TRIM33: variants seen among roughly 807,000 people sequenced by gnomAD.
TRIM33 encodes E3 ubiquitin-protein ligase TRIM33.
Under a neutral mutation model 125.4 loss-of-function variants are expected in TRIM33, and 20 were observed. The ratio of observed to expected loss-of-function variants is 0.16; its 90% CI spans 0.11 to 0.23. TRIM33 has a LOEUF of 0.23. Among genes scored for constraint, TRIM33 ranks in the 10% least tolerant of loss-of-function variants. TRIM33 has a pLI of 1.00. For synonymous variants in TRIM33, 564 were observed against 513.9 expected (o/e 1.10, Z -1.32); for missense variants, 920 against 1,411.4 (o/e 0.65, Z 5.58).
intron 10 of TRIM33, among the ~76,000 whole-genome samples, chr1:114,423,806 C>A (rs1647365995): frequency 6.6e-6 from 1 of 152,070 alleles, no homozygotes; most frequent in African/African-American, 2.4e-5. Context: ...CGCAGATTGA[C>A]CTGAGAGACT....
intron 1 of TRIM33, among the ~76,000 whole-genome samples, chr1:114,474,050 C>A (rs1232990923): frequency 6.6e-6 from 1 of 151,820 alleles, no homozygotes; most frequent in Non-Finnish European, 1.5e-5. Flanking sequence ...GGGCATACAC[C>A]ATCACACTCG....
chr1:114,510,750 G>A lies in TRIM33; in HGVS notation c.327C>T (p.Pro109=), dbSNP rs1367972731. Reference sequence around the variant, plus strand: ...GCGGTCCAGGAGGCGGCCCTGCCGAGGGACCCGGAGCGGGAGCCGAGGCTG... The same window carrying A: ...GCGGTCCAGGAGGCGGCCCTGCCGAAGGACCCGGAGCGGGAGCCGAGGCTG... The part of the protein sequence containing the change: ...PAPASAPAPG[P]SAGPPPGPPA... The change falls in exon 1 of 20, where the codon CCC becomes CCT. Residue 109 remains proline (P), a synonymous_variant. Coordinates refer to ENST00000358465, the MANE Select transcript of TRIM33 (RefSeq NM_015906.4). The A allele has an allele frequency of 6.6e-7, 1 of 1,523,528 alleles. No individual in the cohort carries two copies. The allele number at this position is 1,523,528 out of a possible 1,614,324, so 94.4% of individuals were successfully genotyped here. A position where few individuals can be genotyped will look rare whatever the true frequency, so the allele number is the denominator to read the frequency against.
At chr1:114,505,521 C>A (rs1652946514) in intron 1 of TRIM33, among the ~76,000 whole-genome samples, 1 of 145,460 alleles carries the variant, frequency 6.9e-6, no homozygotes, top group African/African-American at 2.5e-5. Flanking sequence ...CTCCCACTTA[C>A]ACATGATTGT....
At chr1:114,474,708 A>G (rs1650869110) in intron 1 of TRIM33, among the ~76,000 whole-genome samples, 1 of 151,866 alleles carries the variant, frequency 6.6e-6, no homozygotes, top group African/African-American at 2.4e-5. Flanking sequence ...CCTGACCAAC[A>G]TGGAGAAACC....
At chr1:114,491,534 G>A (rs1321337906) in intron 1 of TRIM33, among the ~76,000 whole-genome samples, 1 of 152,156 alleles carries the variant, frequency 6.6e-6, no homozygotes, top group East Asian at 1.9e-4. Flanking sequence ...GGATGCAGTG[G>A]CTCAAGTCTA....
At chr1:114,503,540 A>G (rs1157775319) in intron 1 of TRIM33, among the ~76,000 whole-genome samples, 1 of 152,212 alleles carries the variant, frequency 6.6e-6, no homozygotes, top group Non-Finnish European at 1.5e-5. Flanking sequence ...TGCACTTAAC[A>G]TCATGCATTT....
intron 4 of TRIM33, among the ~76,000 whole-genome samples, chr1:114,454,293 C>CA (rs1183974137): frequency 2.0e-5 from 3 of 152,004 alleles, no homozygotes; most frequent in Non-Finnish European, 4.4e-5. Flanking sequence ...ACTGCAGCTG[C>CA]AGTTACTAGA....
chr1:114,442,725 ACT>A (rs1020991605), intron 4 of TRIM33, among the ~76,000 whole-genome samples: 1 of 150,938 alleles, frequency 6.6e-6, no homozygotes, highest in African/African-American at 2.4e-5. Flanking sequence ...GAAAAAAAAA[ACT>A]CTTAGAAGAA....
At chr1:114,484,753 TACTC>T (rs1316631144) in intron 1 of TRIM33, among the ~76,000 whole-genome samples, 4 of 152,054 alleles carry the variant, frequency 2.6e-5, no homozygotes, top group African/African-American at 4.8e-5. Context: ...TAGTCCCAGT[TACTC>T]AGGAGGCTGA....
intron 4 of TRIM33, among the ~76,000 whole-genome samples, chr1:114,454,160 T>C (rs1309883860): frequency 6.6e-6 from 1 of 152,174 alleles, no homozygotes; most frequent in South Asian, 2.1e-4. Flanking sequence ...GCATCAGAAG[T>C]GGGATCAATT....
At chr1:114,453,644 C>T (rs191356051) in intron 4 of TRIM33, among the ~76,000 whole-genome samples, 1 of 152,270 alleles carries the variant, frequency 6.6e-6, no homozygotes, top group African/African-American at 2.4e-5. Flanking sequence ...GGACTTGAGC[C>T]AAGCTAGATA....
At position 114,452,333 on chromosome 1, in the gene TRIM33, G is replaced by C. The variant is rs545195278; in HGVS notation, c.923+10771C>G. 2.6e-5 allele frequency among the ~76,000 whole-genome samples: 4 copies of C among 151,972 alleles called. No homozygotes were observed. The East Asian group carries it at 7.7e-4, about 29-fold the overall frequency. Reference sequence around the variant, plus strand: ...AAAGTAGCTGGGCGTGGTGGTGTGCGCCTGTAGTCCAAGCTACTCAGGAGG... The same window carrying C: ...AAAGTAGCTGGGCGTGGTGGTGTGCCCCTGTAGTCCAAGCTACTCAGGAGG... On this transcript the variant is annotated intron_variant, in intron 4 of 19. Transcript: ENST00000358465.
chr1:114,500,814 C>T (rs1184114373), intron 1 of TRIM33, among the ~76,000 whole-genome samples: 1 of 151,856 alleles, frequency 6.6e-6, no homozygotes, highest in Non-Finnish European at 1.5e-5. Flanking sequence ...AAAAGTGTAT[C>T]AGTTATCTAT....
At chr1:114,452,063 G>A (rs1050805099) in intron 4 of TRIM33, among the ~76,000 whole-genome samples, 2 of 149,210 alleles carry the variant, frequency 1.3e-5, no homozygotes, top group Admixed American at 6.6e-5. Context: ...AAACTGTGAG[G>A]ATCAGAACAC....
chr1:114,439,096 T>G (rs2101227993), intron 4 of TRIM33, among the ~76,000 whole-genome samples: 1 of 152,336 alleles, frequency 6.6e-6, no homozygotes, highest in Middle Eastern at 3.4e-3. Context: ...CATCACCTGA[T>G]ATTTCAATTA....
At chr1:114,447,181 A>C (rs930203454) in intron 4 of TRIM33, among the ~76,000 whole-genome samples, 13 of 152,132 alleles carry the variant, frequency 8.5e-5, no homozygotes, top group African/African-American at 2.9e-4. Context: ...AATGGAAGAG[A>C]GGTAGTATTA....
chr1:114,499,396 T>C (rs1652575109), intron 1 of TRIM33, among the ~76,000 whole-genome samples: 1 of 149,364 alleles, frequency 6.7e-6, no homozygotes, highest in Admixed American at 6.7e-5. Context: ...AACAGTGAAA[T>C]TAAAAAAAAA....
intron 11 of TRIM33, among the ~76,000 whole-genome samples, chr1:114,412,157 A>C (rs1652634114): frequency 6.6e-6 from 1 of 152,256 alleles, no homozygotes; most frequent in African/African-American, 2.4e-5. Context: ...AGTATTGGGA[A>C]GACAATGCAA....
At chr1:114,459,996 A>G (rs560979655) in intron 4 of TRIM33, 26 of 162,872 alleles carry the variant, frequency 1.6e-4, no homozygotes, top group African/African-American at 5.3e-4. Context: ...GTTTCAATGC[A>G]CCTTCCCACA....
Sources: gnomAD v4.1 joint callset for allele counts (sites outside exome capture counted in the v4.1 genomes callset) on GRCh38, gnomAD v4.1.1 for gene constraint, MANE v1.5 for transcripts, NCBI Gene and HGNC (gene_info 2026-07-23, HGNC 2026-07-21) for gene names.